BMP6: variants seen among roughly 807,000 people sequenced by gnomAD.
BMP6 encodes the protein VG-1-R.
In BMP6, 17 loss-of-function variants were observed where a neutral mutation model predicts 54.1. The observed-to-expected ratio is 0.31, with a 90% CI of 0.22 to 0.47. BMP6 has a LOEUF of 0.47. Among genes scored for constraint, BMP6 ranks in the 20% least tolerant of loss-of-function variants. The probability of loss-of-function intolerance (pLI) is 1.00; values close to 1 mark genes in which losing one functional copy is unlikely to be tolerated. For missense variants in BMP6, 720 were observed against 690.4 expected (o/e 1.04, Z -0.48); for synonymous variants, 328 against 291.2 (o/e 1.13, Z -1.28).
Position 7,766,960 on chromosome 6 carries a change from A to AT in BMP6, c.664+39344dup, listed in dbSNP as rs1164328618. Among the ~76,000 whole-genome samples, 202 of 84,456 alleles carry AT rather than the reference A, an allele frequency of 2.4e-3. 1 individual carries two copies. The highest frequency in any genetic ancestry group is 6.9e-3 in the East Asian group (27 of 3,900). The allele number at this position is 84,456 out of a possible 152,430, so 55.4% of individuals were successfully genotyped here. A position where few individuals can be genotyped will look rare whatever the true frequency, so the allele number is the denominator to read the frequency against. ...TAATTTTTATTTTTATTTTTTATTT[A>AT]TTTATTTATTTTTTTAAATGATAGT... On this transcript the variant is annotated intron_variant, in intron 1 of 6. Transcript: ENST00000283147.
At chr6:7,742,190 C>A (rs1296305730) in intron 1 of BMP6, among the ~76,000 whole-genome samples, 1 of 152,156 alleles carries the variant, frequency 6.6e-6, no homozygotes, top group East Asian at 1.9e-4. Flanking sequence ...GGTTTATGTT[C>A]TGTGACTTTC....
chr6:7,759,087 A>G (rs1757568128), intron 1 of BMP6, among the ~76,000 whole-genome samples: 1 of 152,226 alleles, frequency 6.6e-6, no homozygotes, highest in Non-Finnish European at 1.5e-5. Flanking sequence ...TAGATGGTAT[A>G]AGGAAGGCTT....
chr6:7,785,474 CCTGT>C, intron 1 of BMP6, among the ~76,000 whole-genome samples: 1 of 152,260 alleles, frequency 6.6e-6, no homozygotes, highest in African/African-American at 2.4e-5. Flanking sequence ...TAATGTCAAG[CCTGT>C]CATTTTGAGT....
At chr6:7,772,851 C>T (rs1757811047) in intron 1 of BMP6, among the ~76,000 whole-genome samples, 1 of 152,182 alleles carries the variant, frequency 6.6e-6, no homozygotes, top group African/African-American at 2.4e-5. Flanking sequence ...CCCATTCTCA[C>T]ATTTCTTCTT....
chr6:7,760,550 T>G (rs1581235881), intron 1 of BMP6, among the ~76,000 whole-genome samples: 1 of 152,244 alleles, frequency 6.6e-6, no homozygotes, highest in East Asian at 1.9e-4. Flanking sequence ...CTCTGCAACC[T>G]TCACCTCCCG....
At chr6:7,826,438 C>T (rs1758699499) in intron 1 of BMP6, among the ~76,000 whole-genome samples, 1 of 152,100 alleles carries the variant, frequency 6.6e-6, no homozygotes, top group African/African-American at 2.4e-5. Context: ...TTTTGTCAGC[C>T]CAGGTTTGAA....
At chr6:7,778,673 A>C (rs1330848206) in intron 1 of BMP6, among the ~76,000 whole-genome samples, 1 of 152,190 alleles carries the variant, frequency 6.6e-6, no homozygotes, top group African/African-American at 2.4e-5. Flanking sequence ...CCTAGAAAAG[A>C]GTTTGGGATT....
At chr6:7,831,804 CTGGGGAAAGACCACTGGGGG>C (rs1758798000) in intron 1 of BMP6, among the ~76,000 whole-genome samples, 1 of 152,158 alleles carries the variant, frequency 6.6e-6, no homozygotes, top group African/African-American at 2.4e-5. Flanking sequence ...TTCCTGGGTC[CTGGGGAAAGACCACTGGGGG>C]TGGGGTCAGA....
At chr6:7,846,731 T>C (rs1759071743) in intron 2 of BMP6, among the ~76,000 whole-genome samples, 2 of 152,370 alleles carry the variant, frequency 1.3e-5, no homozygotes, top group South Asian at 2.1e-4. Flanking sequence ...TCAGTGGCTA[T>C]ACTACTGAGG....
At chr6:7,767,719 T>G (rs1009905330) in intron 1 of BMP6, among the ~76,000 whole-genome samples, 1 of 152,252 alleles carries the variant, frequency 6.6e-6, no homozygotes, top group Non-Finnish European at 1.5e-5. Context: ...ATTTCCTGAT[T>G]TGATAATTCC....
intron 1 of BMP6, among the ~76,000 whole-genome samples, chr6:7,747,561 A>G (rs1408137668): frequency 6.6e-6 from 1 of 152,196 alleles, no homozygotes; most frequent in Non-Finnish European, 1.5e-5. Flanking sequence ...AACCTGAATG[A>G]GCAAGGAAAC....
chr6:7,843,263 C>T (rs1389794876), intron 1 of BMP6, among the ~76,000 whole-genome samples: 5 of 146,324 alleles, frequency 3.4e-5, no homozygotes, highest in African/African-American at 1.3e-4. Flanking sequence ...TTTTAACCCT[C>T]AAAATAAAAA....
rs146134614 is a variant in BMP6, at chr6:7,740,972, C to A, written c.664+13353C>A. Among the ~76,000 whole-genome samples the A allele has an allele frequency of 2.3e-3, 351 of 152,288 alleles. 1 individual carries two copies. Among genetic ancestry groups the A allele is most frequent in the African/African-American group, 8.2e-3 (342 of 41,550 alleles). On this transcript the variant is annotated intron_variant, in intron 1 of 6. Transcript: ENST00000283147. ...GTGATCTGTTAGTCCTCCTCCATCA[C>A]CTTCATTGGCTCCTGTGGCCACTAG...
At chr6:7,853,740 C>T (rs1404982763) in intron 2 of BMP6, among the ~76,000 whole-genome samples, 1 of 152,184 alleles carries the variant, frequency 6.6e-6, no homozygotes, top group Non-Finnish European at 1.5e-5. Flanking sequence ...TCTCTGGCTC[C>T]CTCTGTGTGG....
intron 1 of BMP6, among the ~76,000 whole-genome samples, chr6:7,803,039 A>G (rs13199729): frequency 0.21 from 31,815 of 152,208 alleles, 3,748 homozygotes; most frequent in African/African-American, 0.31. Flanking sequence ...CAACCTGGGA[A>G]GAAAAACACT....
At chr6:7,782,161 G>T (rs533129482) in intron 1 of BMP6, among the ~76,000 whole-genome samples, 8 of 150,398 alleles carry the variant, frequency 5.3e-5, no homozygotes, top group African/African-American at 1.7e-4. Context: ...GAGTGCCAGA[G>T]GGGGAGGCAA....
intron 1 of BMP6, among the ~76,000 whole-genome samples, chr6:7,791,473 G>A (rs1247963818): frequency 6.6e-6 from 1 of 152,056 alleles, no homozygotes; most frequent in African/African-American, 2.4e-5. Flanking sequence ...TTAAATGTTA[G>A]TGTTTTTCAG....
intron 2 of BMP6, among the ~76,000 whole-genome samples, chr6:7,851,236 AT>A (rs1175998599): frequency 2.0e-5 from 3 of 152,242 alleles, no homozygotes; most frequent in Admixed American, 6.5e-5. Context: ...GATAATGAGG[AT>A]TTCAGTTCAA....
intron 1 of BMP6, among the ~76,000 whole-genome samples, chr6:7,797,459 G>GT (rs541789321): frequency 6.6e-6 from 1 of 152,178 alleles, no homozygotes; most frequent in Non-Finnish European, 1.5e-5. Flanking sequence ...TGAGTGAAAA[G>GT]TTAAGGTTAG....
Sources: allele counts gnomAD v4.1 joint callset (sites outside exome capture counted in the v4.1 genomes callset), GRCh38; gene constraint gnomAD v4.1.1; transcripts MANE v1.5; gene names NCBI Gene and HGNC (gene_info 2026-07-23, HGNC 2026-07-21).